The following C10orf67 variants were observed in gnomAD, a reference collection of about 807,000 sequenced individuals.
C10orf67 encodes the protein uncharacterized protein C10orf67, mitochondrial.
C10orf67 carries 60 observed loss-of-function variants against 35.6 expected under a neutral mutation model. The observed-to-expected ratio is 1.68, with a 90% CI of 1.37 to 2.09. C10orf67 has a LOEUF of 2.09. Ranked by LOEUF, C10orf67 falls within the 30% of genes most tolerant of loss-of-function variation. The pLI is 0.00. For missense variants in C10orf67, 474 were observed against 330.2 expected, an observed-to-expected ratio of 1.44 and a Z score of -3.38; for synonymous variants, 167 against 115.8, an observed-to-expected ratio of 1.44 and a Z score of -2.84.
At chr10:23,253,495 G>T (rs1037725139) in intron 10 of C10orf67, among the ~76,000 whole-genome samples, 5 of 152,040 alleles carry the variant, frequency 3.3e-5, no homozygotes, top group African/African-American at 1.2e-4. Context: ...CCCAGGGTCA[G>T]GGAGAACACT....
intron 7 of C10orf67, among the ~76,000 whole-genome samples, chr10:23,283,003 C>T (rs1421112690): frequency 6.6e-6 from 1 of 151,144 alleles, no homozygotes; most frequent in Non-Finnish European, 1.5e-5. Flanking sequence ...TATTTGATAG[C>T]ACAACAGGGT....
intron 13 of C10orf67, among the ~76,000 whole-genome samples, chr10:23,238,872 A>G (rs918006848): frequency 3.3e-5 from 5 of 152,182 alleles, no homozygotes; most frequent in African/African-American, 7.2e-5. Flanking sequence ...AGGTTACTAT[A>G]TAAACTTAGT....
chr10:23,319,920 G>C (rs1244444948), intron 4 of C10orf67, among the ~76,000 whole-genome samples: 1 of 152,172 alleles, frequency 6.6e-6, no homozygotes, highest in Non-Finnish European at 1.5e-5. Flanking sequence ...AAGCAGTGGG[G>C]AGAATGTGCA....
chr10:23,316,321 G>A (rs1844709582), intron 4 of C10orf67, among the ~76,000 whole-genome samples: 1 of 152,216 alleles, frequency 6.6e-6, no homozygotes, highest in African/African-American at 2.4e-5. Context: ...GCTGGCATAG[G>A]GGAACACAGT....
At chr10:23,323,952 T>C (rs181115441) in intron 2 of C10orf67, among the ~76,000 whole-genome samples, 33,937 of 64,640 alleles carry the variant, frequency 0.53, 11,289 homozygotes, top group East Asian at 0.85. Context: ...TATATATATA[T>C]ACACACACAC....
intron 4 of C10orf67, among the ~76,000 whole-genome samples, chr10:23,313,882 T>C (rs1487906799): frequency 3.3e-5 from 5 of 152,098 alleles, no homozygotes; most frequent in South Asian, 2.1e-4. Context: ...GACTTGTGTT[T>C]TGAACGACCA....
chr10:23,307,686 C>T (rs1250338561), intron 4 of C10orf67, among the ~76,000 whole-genome samples: 8 of 151,020 alleles, frequency 5.3e-5, no homozygotes, highest in African/African-American at 1.5e-4. Flanking sequence ...CTCACTGCAA[C>T]CTCCGCTTTC....
At chr10:23,289,095 G>A (rs1443687044) in intron 7 of C10orf67, among the ~76,000 whole-genome samples, 1 of 152,132 alleles carries the variant, frequency 6.6e-6, no homozygotes, top group Non-Finnish European at 1.5e-5. Flanking sequence ...GGGAGAGCAG[G>A]AATTGCTGAG....
chr10:23,252,034 A>T (rs112218350), intron 10 of C10orf67, among the ~76,000 whole-genome samples: 202 of 152,328 alleles, frequency 1.3e-3, no homozygotes, highest in African/African-American at 4.7e-3. Context: ...ACCAGTTTTT[A>T]AAAAATGCAT....
chr10:23,289,189 G>A (rs150031943), intron 7 of C10orf67, among the ~76,000 whole-genome samples: 132 of 152,164 alleles, frequency 8.7e-4, no homozygotes, highest in African/African-American at 3.1e-3. Flanking sequence ...TTTCAGACAG[G>A]GTCTCACTCT....
chr10:23,308,400 A>T (rs1386469925), intron 4 of C10orf67, among the ~76,000 whole-genome samples: 1 of 152,144 alleles, frequency 6.6e-6, no homozygotes, highest in Non-Finnish European at 1.5e-5. Context: ...ACGGGCTAAC[A>T]TCCAACTCCC....
intron 4 of C10orf67, among the ~76,000 whole-genome samples, chr10:23,312,590 G>GCT (rs1844539915): frequency 6.6e-6 from 1 of 152,150 alleles, no homozygotes; most frequent in South Asian, 2.1e-4. Context: ...GCCTCTAGGC[G>GCT]CTCTCCATAG....
intron 8 of C10orf67, among the ~76,000 whole-genome samples, chr10:23,274,461 G>A (rs548111399): frequency 3.9e-5 from 6 of 152,124 alleles, no homozygotes; most frequent in African/African-American, 1.4e-4. Flanking sequence ...TCCTTTCCCA[G>A]GATATTAATT....
intron 7 of C10orf67, among the ~76,000 whole-genome samples, chr10:23,285,161 G>C (rs1308473207): frequency 2.0e-5 from 3 of 152,072 alleles, no homozygotes; most frequent in Admixed American, 2.0e-4. Context: ...GGAAGGAGGA[G>C]ACAGGCACTG....
intron 13 of C10orf67, among the ~76,000 whole-genome samples, chr10:23,237,888 G>T (rs111230184): frequency 1.2e-3 from 189 of 152,242 alleles, no homozygotes; most frequent in African/African-American, 4.4e-3. Context: ...CTCTTCAAAT[G>T]GCACACTTAC....
At position 23,250,449 on chromosome 10, in the gene C10orf67, C is replaced by G. The variant is rs1050958256; in HGVS notation, c.1346+6G>C. The G allele has an allele frequency of 5.0e-6, 2 of 398,378 alleles. No homozygotes were observed. The highest frequency in any genetic ancestry group is 8.9e-6 in the Non-Finnish European group (2 of 225,810). 24.7% of individuals were successfully genotyped at this position (398,378 alleles called of 1,614,324 possible). ...AGAAATAGAATTTGTATATTTCACA[C>G]CATACCTGTTCCTGAGAATAAAGAA... On this transcript the variant is annotated splice_donor_region_variant and intron_variant, in intron 12 of 15. Coordinates refer to ENST00000636213, the MANE Select transcript of C10orf67 (RefSeq NM_001371909.1).
In C10orf67 at chr10:23,276,754, C is replaced by T. The variant is rs992257462; in HGVS notation, c.975+5259G>A. Among the ~76,000 whole-genome samples the T allele has an allele frequency of 5.3e-5, 8 of 152,066 alleles. No homozygotes were observed. The East Asian group carries it at 7.7e-4, about 15-fold the overall frequency. On this transcript the variant is annotated intron_variant, in intron 8 of 15. Coordinates refer to ENST00000636213, the MANE Select transcript of C10orf67 (RefSeq NM_001371909.1). Reference sequence around the variant, plus strand: ...TGGTGAGCAGTTGGCCTAATCACCACGTTGCGAGAGATAAATGGCAATTTC... The same window carrying T: ...TGGTGAGCAGTTGGCCTAATCACCATGTTGCGAGAGATAAATGGCAATTTC...
At chr10:23,272,087 T>G (rs1843043522) in intron 8 of C10orf67, among the ~76,000 whole-genome samples, 3 of 152,156 alleles carry the variant, frequency 2.0e-5, no homozygotes, top group Non-Finnish European at 4.4e-5. Flanking sequence ...TACCTAATTT[T>G]TCTATTTTTT....
At chr10:23,316,445 C>T (rs1380605938) in intron 4 of C10orf67, among the ~76,000 whole-genome samples, 1 of 152,252 alleles carries the variant, frequency 6.6e-6, no homozygotes, top group Non-Finnish European at 1.5e-5. Context: ...GCTCTTCTCT[C>T]CGTCTTGTTG....
Sources: allele counts gnomAD v4.1 joint callset (sites outside exome capture counted in the v4.1 genomes callset), GRCh38; gene constraint gnomAD v4.1.1; transcripts MANE v1.5; gene names NCBI Gene and HGNC (gene_info 2026-07-23, HGNC 2026-07-21).